The following ROCK1 variants were observed in gnomAD, a reference collection of about 807,000 sequenced individuals.
ROCK1 encodes Rho associated coiled-coil containing protein kinase 1.
A neutral mutation model predicts 196.8 loss-of-function variants in ROCK1; 36 were observed. The observed-to-expected ratio is 0.18, with a 90% CI of 0.14 to 0.24. ROCK1 has a LOEUF of 0.24. ROCK1 is among the 10% of genes least tolerant of loss of function. The pLI, the probability that ROCK1 is intolerant of heterozygous loss-of-function variation, is 1.00. For missense variants in ROCK1, 920 were observed against 1,562.0 expected (o/e 0.59, Z 6.93); for synonymous variants, 443 against 515.9 (o/e 0.86, Z 1.91).
At chr18:20,977,159 A>C (rs765740883) in intron 22 of ROCK1, among the ~76,000 whole-genome samples, 9 of 152,202 alleles carry the variant, frequency 5.9e-5, no homozygotes, top group Non-Finnish European at 1.3e-4. Context: ...CTTATCAGTC[A>C]CTAGCTTAGG....
chr18:21,058,856 GATGT>G (rs1471598200), intron 2 of ROCK1, among the ~76,000 whole-genome samples: 1 of 152,156 alleles, frequency 6.6e-6, no homozygotes, highest in Non-Finnish European at 1.5e-5. Flanking sequence ...TGAGATTACA[GATGT>G]GAGCCACTGC....
At chr18:21,062,787 A>T (rs2036302737) in intron 2 of ROCK1, among the ~76,000 whole-genome samples, 1 of 152,176 alleles carries the variant, frequency 6.6e-6, no homozygotes. Flanking sequence ...AAACCCTCAT[A>T]AAGCTGGAAA....
At chr18:21,046,732 A>C (rs77779819) in intron 4 of ROCK1, among the ~76,000 whole-genome samples, 1 of 152,232 alleles carries the variant, frequency 6.6e-6, no homozygotes, top group Non-Finnish European at 1.5e-5. Context: ...ACTAAAAAAA[A>C]CAAGCCCTAG....
At chr18:21,078,283 G>A (rs2036451490) in intron 1 of ROCK1, among the ~76,000 whole-genome samples, 1 of 150,570 alleles carries the variant, frequency 6.6e-6, no homozygotes, top group Non-Finnish European at 1.5e-5. Context: ...GAGCTGAGAT[G>A]GCACCACTGC....
At chr18:21,064,105 A>C in intron 2 of ROCK1, among the ~76,000 whole-genome samples, 1 of 152,102 alleles carries the variant, frequency 6.6e-6, no homozygotes, top group Non-Finnish European at 1.5e-5. Flanking sequence ...CAACTAAGTA[A>C]TTTTTTTTAA....
chr18:21,048,122 T>G (rs1302400052), intron 4 of ROCK1, among the ~76,000 whole-genome samples: 1 of 152,062 alleles, frequency 6.6e-6, no homozygotes, highest in African/African-American at 2.4e-5. Context: ...ACATAACCAA[T>G]CAAAGACAAC....
At chr18:21,042,908 T>C (rs539517989) in intron 6 of ROCK1, among the ~76,000 whole-genome samples, 199 bp from the exon 7 acceptor site, 1 of 152,248 alleles carries the variant, frequency 6.6e-6, no homozygotes, top group South Asian at 2.1e-4. Flanking sequence ...CATATACATA[T>C]ATACCATATA....
chr18:21,045,213 C>T (rs577887219), intron 5 of ROCK1, 79 bp downstream of exon 5: 20 of 1,280,228 alleles, frequency 1.6e-5, no homozygotes, highest in Admixed American at 2.4e-5. Flanking sequence ...AATGGGTGAA[C>T]TGAGAGTAAG....
intron 1 of ROCK1, among the ~76,000 whole-genome samples, chr18:21,072,487 T>A (rs987249911): frequency 6.6e-6 from 1 of 152,174 alleles, no homozygotes; most frequent in Non-Finnish European, 1.5e-5. Context: ...ATGCAAGGAA[T>A]GTGTATGTCC....
chr18:20,969,271 A>AT, intron 23 of ROCK1, 63 bp from the exon 24 acceptor site: 2 of 972,896 alleles, frequency 2.1e-6, no homozygotes, highest in Non-Finnish European at 3.2e-6. Flanking sequence ...TTCAGGCAGT[A>AT]ACCTTTAAAT....
intron 1 of ROCK1, among the ~76,000 whole-genome samples, chr18:21,088,992 G>T (rs1327534254): frequency 1.1e-4 from 17 of 151,864 alleles, no homozygotes; most frequent in Admixed American, 1.1e-3. Context: ...AATAAACTAG[G>T]ACAGGAATTT....
In ROCK1 at chr18:20,991,265, T is replaced by C. The variant is rs1485063243; in HGVS notation, c.2054A>G (p.Glu685Gly). ...YKLKSLQQRLEQEVNEHKVTK... is the reference protein window; with the variant it reads ...YKLKSLQQRLGQEVNEHKVTK... Reference sequence around the variant, plus strand: ...TACTTTGTGTTCATTTACCTCTTGTTCTAACCGTTGTTGTAATGATTTAAG... The same window carrying C: ...TACTTTGTGTTCATTTACCTCTTGTCCTAACCGTTGTTGTAATGATTTAAG... Residue 685 changes from glutamate to glycine, a missense_variant, in exon 18 of 33, where the codon GAA becomes GGA. Glu to Gly is a moderately conservative substitution (Grantham distance 98). Coordinates refer to ENST00000399799, the MANE Select transcript of ROCK1 (RefSeq NM_005406.3). 3.7e-6 allele frequency: 6 copies of C among 1,609,262 alleles called. No homozygotes were observed. Among genetic ancestry groups the C allele is most frequent in the African/African-American group, 1.3e-5 (1 of 74,914 alleles).
chr18:21,012,541 T>C (rs1419296843), intron 13 of ROCK1, among the ~76,000 whole-genome samples: 1 of 152,174 alleles, frequency 6.6e-6, no homozygotes, highest in Admixed American at 6.5e-5. Flanking sequence ...CTAGGTAAGG[T>C]GTGTCCTGTA....
intron 13 of ROCK1, among the ~76,000 whole-genome samples, chr18:21,009,318 A>C (rs1312730597): frequency 6.7e-6 from 1 of 149,926 alleles, no homozygotes; most frequent in East Asian, 1.9e-4. Flanking sequence ...TGGCCAAGAC[A>C]GGTTTTTTTT....
intron 29 of ROCK1, among the ~76,000 whole-genome samples, chr18:20,955,887 A>G (rs1040766466): frequency 6.6e-6 from 1 of 151,446 alleles, no homozygotes; most frequent in African/African-American, 2.4e-5. Flanking sequence ...TTGAAGAGAC[A>G]AAATTATGGA....
intron 1 of ROCK1, among the ~76,000 whole-genome samples, chr18:21,096,125 C>T (rs1385278310): frequency 1.3e-5 from 2 of 152,006 alleles, no homozygotes; most frequent in African/African-American, 4.8e-5. Context: ...ATCACATGTA[C>T]CCCATAAATA....
At chr18:21,027,798 G>T (rs1393986722) in intron 10 of ROCK1, among the ~76,000 whole-genome samples, 3 of 106,516 alleles carry the variant, frequency 2.8e-5, no homozygotes, top group African/African-American at 3.8e-5. Flanking sequence ...GTCTCGCTCT[G>T]TCGCCCAGGC....
chr18:21,046,168 C>A (rs1193605101), intron 4 of ROCK1, among the ~76,000 whole-genome samples: 1 of 152,084 alleles, frequency 6.6e-6, no homozygotes, highest in Non-Finnish European at 1.5e-5. Flanking sequence ...CCCTGGCCTC[C>A]CAAAATGCTG....
At chr18:21,004,612 C>G (rs1244044355) in intron 16 of ROCK1, among the ~76,000 whole-genome samples, 1 of 152,158 alleles carries the variant, frequency 6.6e-6, no homozygotes, top group East Asian at 1.9e-4. Flanking sequence ...TGATCTCTGC[C>G]TCTGAAGCAA....
Sources: allele counts gnomAD v4.1 joint callset (sites outside exome capture counted in the v4.1 genomes callset), GRCh38; gene constraint gnomAD v4.1.1; transcripts MANE v1.5; gene names NCBI Gene and HGNC (gene_info 2026-07-23, HGNC 2026-07-21).